LHX8: variants seen among roughly 807,000 people sequenced by gnomAD.
The protein encoded by LHX8 is LIM/homeobox protein Lhx8.
A neutral mutation model predicts 40.3 loss-of-function variants in LHX8; 12 were observed. That is an observed-to-expected ratio of 0.30 (90% CI 0.19 to 0.48). LHX8 has a LOEUF of 0.48. Among genes scored for constraint, LHX8 ranks in the 20% least tolerant of loss-of-function variants. The probability of loss-of-function intolerance (pLI) is 0.99; values close to 1 mark genes in which losing one functional copy is unlikely to be tolerated. For synonymous variants in LHX8, 179 were observed against 162.0 expected (o/e 1.10, Z -0.80); for missense variants, 344 against 433.7 (o/e 0.79, Z 1.84).
intron 3 of LHX8, among the ~76,000 whole-genome samples, chr1:75,138,081 T>G (rs1648204728): frequency 1.3e-5 from 2 of 152,184 alleles, no homozygotes; most frequent in South Asian, 4.1e-4. Flanking sequence ...TCTCTTAAAA[T>G]ATTGTGGGGG....
the LHX8 span, among the ~76,000 whole-genome samples, chr1:75,182,436 C>T: frequency 1.1e-4 from 15 of 140,384 alleles, no homozygotes; most frequent in East Asian, 4.2e-4. Flanking sequence ...TGCAATGGTG[C>T]GATCTCAGCT....
Position 75,143,967 on chromosome 1 carries a change from T to G in LHX8, c.684+19T>G. 1 of 1,605,814 alleles carries G rather than the reference T, an allele frequency of 6.2e-7. No homozygotes were observed. Among genetic ancestry groups the G allele is most frequent in the Non-Finnish European group, 8.5e-7 (1 of 1,173,154 alleles). On this transcript the variant is annotated intron_variant, in intron 6 of 8. Coordinates refer to ENST00000356261, the MANE Select transcript of LHX8 (RefSeq NM_001256114.2). ...GCTTCAGGTAAGCATAACAATGAATTTTTTATTTTTGAAGCCCCTCCCAAC... is the reference window on the plus strand; with the variant it reads ...GCTTCAGGTAAGCATAACAATGAATGTTTTATTTTTGAAGCCCCTCCCAAC...
At chr1:75,182,556 A>G in the LHX8 span, among the ~76,000 whole-genome samples, 2 of 151,940 alleles carry the variant, frequency 1.3e-5, no homozygotes, top group Non-Finnish European at 2.9e-5. Flanking sequence ...TATTTTTAGT[A>G]GAGACAGGGT....
chr1:75,149,611 C>T (rs1056357744), intron 7 of LHX8, among the ~76,000 whole-genome samples: 8 of 152,072 alleles, frequency 5.3e-5, no homozygotes, highest in South Asian at 2.1e-4. Flanking sequence ...AGTGCAGTGA[C>T]GCAATCACAG....
At chr1:75,134,020 C>T (rs1648043104), upstream of LHX8, among the ~76,000 whole-genome samples, 1 of 152,024 alleles carries the variant, frequency 6.6e-6, no homozygotes, top group Admixed American at 6.6e-5. Context: ...CTAAAACTTT[C>T]AAGTCACCCA....
upstream of LHX8, chr1:75,130,610 C>T (rs1647936067): frequency 7.7e-6 from 8 of 1,044,536 alleles, no homozygotes; most frequent in Admixed American, 1.3e-4. Flanking sequence ...TAAAAGCACC[C>T]CTCTCTTACC....
At chr1:75,173,447 G>A in the LHX8 span, among the ~76,000 whole-genome samples, 170 of 134,296 alleles carry the variant, frequency 1.3e-3, 1 homozygote, top group African/African-American at 4.6e-3. Flanking sequence ...GCAGTGGCAC[G>A]ATCTCGACTC....
chr1:75,192,039 G>T, the LHX8 span, among the ~76,000 whole-genome samples: 3 of 152,154 alleles, frequency 2.0e-5, no homozygotes. Context: ...GATGAGCCCT[G>T]TGACATTTGG....
the LHX8 span, among the ~76,000 whole-genome samples, chr1:75,195,316 A>C: frequency 6.6e-6 from 1 of 152,130 alleles, no homozygotes; most frequent in Non-Finnish European, 1.5e-5. Flanking sequence ...AGATTATACA[A>C]CATGCCCATG....
chr1:75,140,850 G>T, intron 3 of LHX8, 135 bp from the exon 4 acceptor site: 1 of 851,056 alleles, frequency 1.2e-6, no homozygotes, highest in African/African-American at 1.7e-5. Context: ...AAAAAAAAAT[G>T]ACATCTTTTG....
the LHX8 span, among the ~76,000 whole-genome samples, chr1:75,187,286 C>T: frequency 6.6e-6 from 1 of 152,198 alleles, no homozygotes; most frequent in African/African-American, 2.4e-5. Flanking sequence ...GTCCAGCTCC[C>T]AACTCAGCAT....
the LHX8 span, among the ~76,000 whole-genome samples, chr1:75,191,514 G>C: frequency 6.6e-6 from 1 of 152,168 alleles, no homozygotes; most frequent in Non-Finnish European, 1.5e-5. Context: ...CCTCAGGATG[G>C]AGGGAGGGAG....
At chr1:75,193,061 T>C in the LHX8 span, among the ~76,000 whole-genome samples, 1 of 152,224 alleles carries the variant, frequency 6.6e-6, no homozygotes, top group African/African-American at 2.4e-5. Flanking sequence ...ACTTTATTTA[T>C]GAGCTAATAT....
At chr1:75,176,492 A>T in the LHX8 span, among the ~76,000 whole-genome samples, 2 of 152,066 alleles carry the variant, frequency 1.3e-5, no homozygotes, top group Admixed American at 6.5e-5. Context: ...GTCTGTTCAT[A>T]TCCTTTGCCC....
chr1:75,151,970 G>T (rs543089122), intron 7 of LHX8, among the ~76,000 whole-genome samples: 1 of 152,260 alleles, frequency 6.6e-6, no homozygotes, highest in Admixed American at 6.5e-5. Context: ...ATATGTTAAG[G>T]TTGAACATTA....
Position 75,157,074 on chromosome 1 carries a change from A to C in LHX8, c.962A>C (p.Asp321Ala). The C allele has an allele frequency of 6.2e-7, 1 of 1,614,076 alleles. No individual in the cohort carries two copies. ...TTAACTGCGCTGCATAGTTATATGG[A>C]TGGTAGGTATCCCAACATTTAACAG... Reference protein sequence around the residue: ...TMLTALHSYMDAHSPTTLGLQ... With the variant: ...TMLTALHSYMAAHSPTTLGLQ... The change falls in exon 8 of 9, where the codon GAT becomes GCT. Residue 321 changes from aspartate (D) to alanine (A), a missense_variant and splice_region_variant. This residue lies in a region of LHX8 where 89 missense variants were observed against 92.8 expected (regional missense o/e 0.96). Transcript: ENST00000356261.
In LHX8 at chr1:75,160,821, C is replaced by G; in HGVS notation, c.967C>G (p.His323Asp). The change falls in exon 9 of 9, where the codon CAT (histidine) becomes GAT (aspartate). Residue 323 changes from histidine to aspartate, a missense_variant and splice_region_variant. Coordinates refer to ENST00000356261, the MANE Select transcript of LHX8 (RefSeq NM_001256114.2). ...LTALHSYMDA[H>D]SPTTLGLQPL... ...ACAAATTTCTTTCTATTTTGTAGCT[C>G]ATTCACCAACAACTCTTGGACTCCA... The G allele has an allele frequency of 6.2e-7, 1 of 1,609,318 alleles. No homozygotes were observed. Among genetic ancestry groups the G allele is most frequent in the Non-Finnish European group, 8.5e-7 (1 of 1,175,764 alleles).
At chr1:75,176,833 C>G in the LHX8 span, among the ~76,000 whole-genome samples, 1 of 152,132 alleles carries the variant, frequency 6.6e-6, no homozygotes, top group Non-Finnish European at 1.5e-5. Context: ...TTTAATCCAT[C>G]TTGAATTAAT....
At chr1:75,173,617 C>T in the LHX8 span, among the ~76,000 whole-genome samples, 5 of 151,892 alleles carry the variant, frequency 3.3e-5, no homozygotes, top group East Asian at 7.8e-4. Context: ...CTCGTGACCT[C>T]GTGATCTGCC....
Sources: allele counts gnomAD v4.1 joint callset (sites outside exome capture counted in the v4.1 genomes callset), GRCh38; gene constraint gnomAD v4.1.1; regional missense constraint gnomAD v4.1.1; transcripts MANE v1.5; gene names NCBI Gene and HGNC (gene_info 2026-07-23, HGNC 2026-07-21).